The following ELFN1 variants were observed in gnomAD, a reference collection of about 807,000 sequenced individuals.
The protein encoded by ELFN1 is protein ELFN1.
In ELFN1, 6 loss-of-function variants were observed where a neutral mutation model predicts 7.6. That is an observed-to-expected ratio of 0.79 (90% CI 0.43 to 1.56). The LOEUF is 1.56. Ranked by LOEUF, ELFN1 falls within the 40% of genes most tolerant of loss-of-function variation. ELFN1 has a pLI of 0.01. For synonymous variants in ELFN1, 657 were observed against 588.1 expected (o/e 1.12, Z -1.70); for missense variants, 1,169 against 1,232.2 (o/e 0.95, Z 0.77).
Position 1,745,467 on chromosome 7 carries a change from G to C in ELFN1, c.871G>C (p.Asp291His), listed in dbSNP as rs1464985746. 14 of 1,541,624 alleles carry C rather than the reference G, an allele frequency of 9.1e-6. No individual in the cohort carries two copies. The highest frequency in any genetic ancestry group is 1.4e-5 in the African/African-American group (1 of 73,036). ...GGAGCCCAGTGACATGCCCTGTGCC[G>C]ATGATGAGTGCTTCTCCGGGGACGG... ...PPEPSDMPCA[D>H]DECFSGDGTT... Residue 291 changes from aspartate to histidine, a missense_variant, in exon 4 of 4, where the codon GAT (aspartate) becomes CAT (histidine). Transcript: ENST00000424383.
At chr7:1,703,270 A>G (rs1779464820) in intron 2 of ELFN1, among the ~76,000 whole-genome samples, 2 of 152,206 alleles carry the variant, frequency 1.3e-5, no homozygotes, top group African/African-American at 4.8e-5. Flanking sequence ...AGTTCTTTAC[A>G]TAATGAAGAT....
rs1391710608 is a variant in ELFN1, at chr7:1,746,042, G to C, written c.1446G>C (p.Pro482=). The C allele has an allele frequency of 6.5e-7, 1 of 1,545,902 alleles. No individual in the cohort carries two copies. Among genetic ancestry groups the C allele is most frequent in the African/African-American group, 1.4e-5 (1 of 72,902 alleles). ...GPELEAPGLA[P]LSQGPLLGPE... is the part of the protein sequence containing the mutation. ...AGCTGGAGGCGCCCGGCCTGGCCCC[G>C]CTGTCCCAGGGCCCGCTGCTGGGCC... The change falls in exon 4 of 4, where the codon CCG becomes CCC. Residue 482 remains proline (P), a synonymous_variant. Coordinates refer to ENST00000424383, the MANE Select transcript of ELFN1 (RefSeq NM_001128636.4).
chr7:1,744,857 G>T lies in ELFN1; in HGVS notation c.261G>T (p.Thr87=). The T allele has an allele frequency of 6.4e-7, 1 of 1,574,392 alleles. No individual in the cohort carries two copies. The part of the protein sequence containing the change: ...YASLSRFGNL[T]YLNLTKNEIG... ...CGCTCAGCCGCTTTGGCAACCTCAC[G>T]TACCTCAACCTCACCAAGAACGAGA... is the stretch of plus-strand genomic sequence containing the variant. Residue 87 remains threonine, a synonymous_variant, in exon 4 of 4, where the codon ACG becomes ACT. Transcript: ENST00000424383.
In ELFN1 at chr7:1,746,484, G is replaced by A. The variant is rs143719181; in HGVS notation, c.1888G>A (p.Val630Met). 3.3e-3 allele frequency: 4,918 copies of A among 1,506,234 alleles called. 134 individuals carry two copies. In the African/African-American group the frequency reaches 0.058, roughly 18 times the overall value. 93.3% of individuals were successfully genotyped at this position (1,506,234 alleles called of 1,614,324 possible). ...CCACAGCCTGCAGCGGCACCACAGC[G>A]TGGAGGCCGCCGGGCCCCCTCGTGC... ...FGHSLQRHHS[V>M]EAAGPPRAST... Residue 630 changes from valine (V) to methionine (M), a missense_variant, in exon 4 of 4, where the codon GTG (valine) becomes ATG (methionine). This residue lies in a region of ELFN1 where 914 missense variants were observed against 872.6 expected (regional missense o/e 1.05). Coordinates refer to ENST00000424383, the MANE Select transcript of ELFN1 (RefSeq NM_001128636.4).
In ELFN1 at chr7:1,740,470, C is replaced by T. The variant is rs534433818; in HGVS notation, c.-293-3834C>T. 1.3e-5 allele frequency among the ~76,000 whole-genome samples: 2 copies of T among 152,320 alleles called. No homozygotes were observed. The highest frequency in any genetic ancestry group is 2.1e-4 in the South Asian group (1 of 4,832). ...GTTGTTTAATGATCGGATCGCTGGACGTGGGGTGCAGCGGCAGGTGTGAGT... is the reference window on the plus strand; with the variant it reads ...GTTGTTTAATGATCGGATCGCTGGATGTGGGGTGCAGCGGCAGGTGTGAGT... On this transcript the variant is annotated intron_variant, in intron 3 of 3. Transcript: ENST00000424383. This position sits in a 1 kb window ranked among gnomAD's most constrained non-coding sequence, Gnocchi z 5.0.
At chr7:1,727,006 C>T (rs1262532370) in intron 3 of ELFN1, among the ~76,000 whole-genome samples, 3 of 152,312 alleles carry the variant, frequency 2.0e-5, no homozygotes, top group East Asian at 3.9e-4. Flanking sequence ...CAGCAGCAGG[C>T]AACAGGATCG....
intron 2 of ELFN1, among the ~76,000 whole-genome samples, chr7:1,701,691 A>G (rs972252995): frequency 2.6e-5 from 4 of 152,064 alleles, no homozygotes; most frequent in East Asian, 3.9e-4. Context: ...AGTTCTAGCT[A>G]CTTGGGAGGC....
At chr7:1,725,636 C>G (rs1780170149) in intron 3 of ELFN1, among the ~76,000 whole-genome samples, 1 of 152,180 alleles carries the variant, frequency 6.6e-6, no homozygotes, top group East Asian at 1.9e-4. Flanking sequence ...TCTGGCTGCC[C>G]CAGCTGTCGG....
chr7:1,680,471 C>T (rs13309100), intron 1 of ELFN1, among the ~76,000 whole-genome samples: 9 of 152,156 alleles, frequency 5.9e-5, no homozygotes, highest in South Asian at 4.1e-4. Flanking sequence ...GGCTGTGCTG[C>T]GCTTGTTTCC....
At chr7:1,693,411 T>A in intron 2 of ELFN1, 2 of 471,218 alleles carry the variant, frequency 4.2e-6, no homozygotes, top group Non-Finnish European at 8.8e-6. Context: ...TGAGTAGGTA[T>A]GTGCACATAT....
At chr7:1,733,853 G>A (rs765300516) in intron 3 of ELFN1, among the ~76,000 whole-genome samples, 1 of 152,076 alleles carries the variant, frequency 6.6e-6, no homozygotes, top group Non-Finnish European at 1.5e-5. Context: ...ACCTGCGCCT[G>A]GGGAGAGGGG....
At chr7:1,737,695 C>T (rs924710916) in intron 3 of ELFN1, among the ~76,000 whole-genome samples, 4 of 152,138 alleles carry the variant, frequency 2.6e-5, no homozygotes, top group African/African-American at 9.7e-5. Context: ...CTTGAACACC[C>T]CTGCTGATGG....
chr7:1,719,044 T>A (rs1779922179), intron 3 of ELFN1, among the ~76,000 whole-genome samples: 1 of 151,930 alleles, frequency 6.6e-6, no homozygotes, highest in Non-Finnish European at 1.5e-5. Context: ...AGTGCCTGAA[T>A]CACATCTGGG....
intron 1 of ELFN1, among the ~76,000 whole-genome samples, chr7:1,671,607 A>G (rs1281917012): frequency 6.6e-6 from 1 of 152,194 alleles, no homozygotes; most frequent in Non-Finnish European, 1.5e-5. Flanking sequence ...CCAGCCTCCA[A>G]AGAGGTCCAG....
upstream of ELFN1, among the ~76,000 whole-genome samples, chr7:1,670,103 G>A (rs1273178122): frequency 6.6e-6 from 1 of 150,734 alleles, no homozygotes; most frequent in South Asian, 2.1e-4. This position sits in a 1 kb window ranked among gnomAD's most constrained non-coding sequence, Gnocchi z 6.4. Context: ...CGGAGGAAGA[G>A]GGGGTGGAAG....
chr7:1,743,705 G>C (rs912091057), intron 3 of ELFN1, among the ~76,000 whole-genome samples: 1 of 152,214 alleles, frequency 6.6e-6, no homozygotes, highest in Admixed American at 6.5e-5. Context: ...GAAGGATTCT[G>C]TGTTGAGGGC....
chr7:1,719,214 CCCACCAACAGGACCCAAG>C (rs1779933130), intron 3 of ELFN1, among the ~76,000 whole-genome samples: 3 of 146,304 alleles, frequency 2.1e-5, no homozygotes, highest in African/African-American at 7.9e-5. Context: ...CAGGGCCCCG[CCCACCAACAGGACCCAAG>C]CCACCAACAG....
rs1315371426 is a variant in ELFN1, at chr7:1,695,396, G to C, written c.-456+7246G>C. ...CAGGACCATTGGCACAAGCCTGGGC[G>C]AGTCTCGCTGGGAGGCAGGAGCAGA... On this transcript the variant is annotated intron_variant, in intron 2 of 3. Coordinates refer to ENST00000424383, the MANE Select transcript of ELFN1 (RefSeq NM_001128636.4). The surrounding 1 kb of genome is among the most constrained non-coding windows in gnomAD (Gnocchi z 5.1). Among the ~76,000 whole-genome samples the C allele has an allele frequency of 1.3e-5, 2 of 152,162 alleles. No homozygotes were observed.
At chr7:1,726,244 G>T (rs1780193424) in intron 3 of ELFN1, among the ~76,000 whole-genome samples, 1 of 152,144 alleles carries the variant, frequency 6.6e-6, no homozygotes, top group African/African-American at 2.4e-5. Context: ...CTGGGATGGG[G>T]ACATGAGCCA....
Sources: allele counts gnomAD v4.1 joint callset (sites outside exome capture counted in the v4.1 genomes callset), GRCh38; gene constraint gnomAD v4.1.1; regional missense constraint gnomAD v4.1.1; non-coding constraint Gnocchi (gnomAD v3.1); transcripts MANE v1.5; gene names NCBI Gene and HGNC (gene_info 2026-07-23, HGNC 2026-07-21).